The following THEM4 variants were observed in gnomAD, a reference collection of about 807,000 sequenced individuals.
THEM4 encodes the protein thioesterase superfamily member 4.
THEM4 carries 22 observed loss-of-function variants against 25.0 expected under a neutral mutation model. That is an observed-to-expected ratio of 0.88 (90% CI 0.63 to 1.26). The LOEUF (loss-of-function observed/expected upper bound fraction) is 1.26, where lower values mean the gene tolerates loss of function less well. THEM4 is among the 50% of genes most tolerant of loss of function. The pLI is 0.00. For missense variants in THEM4, 286 were observed against 300.3 expected, an observed-to-expected ratio of 0.95 and a Z score of 0.35; for synonymous variants, 113 against 105.6, an observed-to-expected ratio of 1.07 and a Z score of -0.43.
intron 1 of THEM4, among the ~76,000 whole-genome samples, chr1:151,905,566 A>G (rs762157168): frequency 6.6e-6 from 1 of 152,216 alleles, no homozygotes; most frequent in Non-Finnish European, 1.5e-5. Context: ...CAAAGGCAGT[A>G]ACAGGCAAAG....
At chr1:151,885,063 T>C (rs1653935929) in intron 4 of THEM4, among the ~76,000 whole-genome samples, 1 of 151,906 alleles carries the variant, frequency 6.6e-6, no homozygotes, top group African/African-American at 2.4e-5. Context: ...ATCATTGTTT[T>C]CTCTTTTTGT....
At chr1:151,889,422 T>C in intron 2 of THEM4, 49 bp from the exon 3 acceptor site, 2 of 1,589,060 alleles carry the variant, frequency 1.3e-6, no homozygotes, top group Non-Finnish European at 1.7e-6. Context: ...GTGAGAGAAA[T>C]GCCATGGCAG....
At chr1:151,897,907 C>G (rs1481899299) in intron 1 of THEM4, among the ~76,000 whole-genome samples, 1 of 24,712 alleles carries the variant, frequency 4.0e-5, no homozygotes, top group Non-Finnish European at 8.8e-5. Context: ...GAGCGAAATA[C>G]AGGGTAAGGG....
intron 4 of THEM4, among the ~76,000 whole-genome samples, chr1:151,880,415 T>G (rs1430512603): frequency 6.6e-6 from 1 of 151,788 alleles, no homozygotes; most frequent in East Asian, 1.9e-4. Context: ...CAGGCGGAGG[T>G]TGCCATAAGC....
chr1:151,884,113 AGG>A (rs1199243403), intron 4 of THEM4, among the ~76,000 whole-genome samples: 116 of 151,494 alleles, frequency 7.7e-4, no homozygotes, highest in African/African-American at 2.7e-3. Flanking sequence ...AAATAAATAA[AGG>A]AAGGAAGGAA....
rs747353775 is a variant in THEM4, at chr1:151,871,610, CTA to C, written c.*3276_*3277del. On this transcript the variant is annotated 3_prime_UTR_variant, in exon 6 of 6. Coordinates refer to ENST00000368814, the MANE Select transcript of THEM4 (RefSeq NM_053055.5). ...TTTCCCTCACTGGCTATGGGGAACC[CTA>C]TGTTAACAGTGACTGAGCTTTTTCC... Among the ~76,000 whole-genome samples, 1 of 152,238 alleles carries C rather than the reference CTA, an allele frequency of 6.6e-6. No homozygotes were observed. Among genetic ancestry groups the C allele is most frequent in the Non-Finnish European group, 1.5e-5 (1 of 68,034 alleles).
intron 4 of THEM4, among the ~76,000 whole-genome samples, chr1:151,879,922 C>A (rs1653774713): frequency 6.6e-6 from 1 of 152,020 alleles, no homozygotes; most frequent in Non-Finnish European, 1.5e-5. Context: ...TCCCAAGGTG[C>A]TGAGATTACA....
intron 1 of THEM4, 76 bp from the exon 2 acceptor site, chr1:151,895,270 A>T: frequency 4.8e-6 from 6 of 1,256,810 alleles, no homozygotes; most frequent in Non-Finnish European, 5.5e-6. Context: ...CCAATTTCTA[A>T]GATTATCTTG....
chr1:151,895,095 T>G lies in THEM4; in HGVS notation c.199A>C (p.Lys67Gln). The G allele has an allele frequency of 6.2e-7, 1 of 1,614,158 alleles. No homozygotes were observed. The highest frequency in any genetic ancestry group is 1.3e-5 in the African/African-American group (1 of 75,056). The change falls in exon 2 of 6, where the codon AAA becomes CAA. Residue 67 changes from lysine to glutamine, a missense_variant. Coordinates refer to ENST00000368814, the MANE Select transcript of THEM4 (RefSeq NM_053055.5). ...LRLLFDQFMK[K>Q]CEDGSWKRLP... The stretch of plus-strand genomic sequence containing the variant: ...CGTTTCCAGGAGCCGTCTTCACATT[T>G]CTTCATAAACTGGTCAAAGAGCAGT...
At chr1:151,884,687 G>GTTTTTTTTTTTTTTTTTTTTTTT (rs11371460) in intron 4 of THEM4, among the ~76,000 whole-genome samples, 1 of 146,504 alleles carries the variant, frequency 6.8e-6, no homozygotes. Flanking sequence ...CCTTTTTTTT[G>GTTTTTTTTTTTTTTTTTTTTTTT]TTTTTTTTTT....
rs143100282 is a variant in THEM4, at chr1:151,872,854, C to T, written c.*2034G>A. ...CTGGGTATTGTCCAAGGTTTCCCCCCACTGAGACAGCCTGAGATATGGCCT... is the reference window on the plus strand; with the variant it reads ...CTGGGTATTGTCCAAGGTTTCCCCCTACTGAGACAGCCTGAGATATGGCCT... On this transcript the variant is annotated 3_prime_UTR_variant, in exon 6 of 6. Coordinates refer to ENST00000368814, the MANE Select transcript of THEM4 (RefSeq NM_053055.5). Among the ~76,000 whole-genome samples, 4 of 152,170 alleles carry T rather than the reference C, an allele frequency of 2.6e-5. No individual in the cohort carries two copies. Among genetic ancestry groups the T allele is most frequent in the East Asian group, 1.9e-4 (1 of 5,196 alleles).
intron 5 of THEM4, among the ~76,000 whole-genome samples, chr1:151,875,190 C>G (rs1653646396): frequency 6.6e-6 from 1 of 152,156 alleles, no homozygotes; most frequent in Non-Finnish European, 1.5e-5. Flanking sequence ...ATGAAAAGAA[C>G]TAAAATTACA....
At chr1:151,888,045 C>G (rs1294843817) in intron 4 of THEM4, among the ~76,000 whole-genome samples, 1 of 152,182 alleles carries the variant, frequency 6.6e-6, no homozygotes, top group Non-Finnish European at 1.5e-5. Flanking sequence ...CATTCTAGAG[C>G]TCTCTTGTAT....
chr1:151,889,458 A>G (rs554441545), intron 2 of THEM4, 85 bp from the exon 3 acceptor site: 62 of 1,355,912 alleles, frequency 4.6e-5, no homozygotes, highest in Admixed American at 3.4e-4. Flanking sequence ...CCCTGCTAGA[A>G]TCACATGTCA....
chr1:151,877,166 CTG>C, intron 4 of THEM4, 41 bp from the exon 5 acceptor site: 1 of 1,574,572 alleles, frequency 6.4e-7, no homozygotes, highest in Non-Finnish European at 8.6e-7. Flanking sequence ...CAGTTTTTAT[CTG>C]ACTTATATAA....
intron 1 of THEM4, among the ~76,000 whole-genome samples, chr1:151,904,141 G>A (rs575852893): frequency 2.3e-4 from 35 of 152,242 alleles, no homozygotes; most frequent in Admixed American, 8.5e-4. Flanking sequence ...TGCTCCAAGC[G>A]AAGGCATAGG....
chr1:151,893,577 G>C (rs1228527693), intron 2 of THEM4, among the ~76,000 whole-genome samples: 2 of 152,090 alleles, frequency 1.3e-5, no homozygotes, highest in African/African-American at 4.8e-5. Context: ...CTCCCTAAGA[G>C]TGTGGATGGT....
intron 1 of THEM4, among the ~76,000 whole-genome samples, chr1:151,904,230 G>A (rs933269065): frequency 1.3e-5 from 2 of 152,170 alleles, no homozygotes; most frequent in African/African-American, 4.8e-5. Context: ...GAGAAGAGCA[G>A]CAAGATGTGA....
intron 4 of THEM4, among the ~76,000 whole-genome samples, chr1:151,885,144 A>T (rs1193238502): frequency 6.8e-6 from 1 of 147,632 alleles, no homozygotes; most frequent in Admixed American, 6.8e-5. Context: ...TTTCTGATGG[A>T]GTATCGCTCT....
Sources: allele counts gnomAD v4.1 joint callset (sites outside exome capture counted in the v4.1 genomes callset), GRCh38; gene constraint gnomAD v4.1.1; transcripts MANE v1.5; gene names NCBI Gene and HGNC (gene_info 2026-07-23, HGNC 2026-07-21).